Variants in RANBP17 observed in about 807,000 individuals in gnomAD.
RANBP17 encodes the protein ran-binding protein 17.
In RANBP17, 158 loss-of-function variants were observed where a neutral mutation model predicts 141.2. That is an observed-to-expected ratio of 1.12 (90% confidence interval 0.98 to 1.28). RANBP17 has a LOEUF of 1.28. RANBP17 is among the 50% of genes most tolerant of loss of function. The pLI, the probability that RANBP17 is intolerant of heterozygous loss-of-function variation, is 0.00. For synonymous variants in RANBP17, 430 were observed against 450.0 expected, an observed-to-expected ratio of 0.96 and a Z score of 0.56; for missense variants, 1,438 against 1,290.7, an observed-to-expected ratio of 1.11 and a Z score of -1.75.
intron 25 of RANBP17, among the ~76,000 whole-genome samples, chr5:171,270,925 G>A (rs1384171512): frequency 1.3e-5 from 2 of 151,842 alleles, no homozygotes; most frequent in African/African-American, 2.4e-5. Flanking sequence ...ATTGCATAGA[G>A]GAATTAGAGC....
At chr5:171,104,671 C>T (rs1754653772) in intron 14 of RANBP17, among the ~76,000 whole-genome samples, 1 of 152,114 alleles carries the variant, frequency 6.6e-6, no homozygotes, top group Admixed American at 6.5e-5. Flanking sequence ...CTAACTGGCT[C>T]TTTTTCTTTA....
chr5:170,902,983 G>A (rs554218549), intron 5 of RANBP17, among the ~76,000 whole-genome samples: 2 of 152,276 alleles, frequency 1.3e-5, no homozygotes, highest in East Asian at 3.9e-4. Context: ...ATGTCTCCCG[G>A]TCAGGAGGCA....
intron 14 of RANBP17, among the ~76,000 whole-genome samples, chr5:171,134,935 A>C (rs1757167365): frequency 6.6e-6 from 1 of 151,732 alleles, no homozygotes; most frequent in South Asian, 2.1e-4. Context: ...TAAAATAAAA[A>C]TAAATTAAAT....
At chr5:171,255,395 T>G (rs139889775) in intron 24 of RANBP17, among the ~76,000 whole-genome samples, 1 of 152,248 alleles carries the variant, frequency 6.6e-6, no homozygotes, top group Admixed American at 6.5e-5. Flanking sequence ...AGTACAGCAT[T>G]GAAATACTAC....
At chr5:171,065,610 C>T (rs1784266496) in intron 14 of RANBP17, among the ~76,000 whole-genome samples, 1 of 152,044 alleles carries the variant, frequency 6.6e-6, no homozygotes, top group Admixed American at 6.5e-5. Flanking sequence ...TGTGTATTAA[C>T]CAGAGCATCT....
chr5:171,211,325 A>G (rs1009603875), intron 20 of RANBP17, among the ~76,000 whole-genome samples: 3 of 151,552 alleles, frequency 2.0e-5, no homozygotes, highest in African/African-American at 7.3e-5. Context: ...GCAGTGGTGC[A>G]GTCTTGGCTC....
chr5:170,996,059 T>TC (rs886456029), intron 14 of RANBP17, among the ~76,000 whole-genome samples: 3 of 152,032 alleles, frequency 2.0e-5, no homozygotes, highest in Admixed American at 6.6e-5. Flanking sequence ...TTATTGCTCA[T>TC]CTCAGGGCCT....
chr5:171,281,095 C>T (rs1767833573), intron 25 of RANBP17, among the ~76,000 whole-genome samples: 1 of 152,194 alleles, frequency 6.6e-6, no homozygotes, highest in South Asian at 2.1e-4. Context: ...TGGTGTCATT[C>T]CCAGACTTTA....
chr5:171,116,722 T>C (rs1257527280), intron 14 of RANBP17, among the ~76,000 whole-genome samples: 1 of 152,244 alleles, frequency 6.6e-6, no homozygotes, highest in African/African-American at 2.4e-5. Flanking sequence ...TTGTTAACTA[T>C]AGCCATTCTA....
intron 14 of RANBP17, among the ~76,000 whole-genome samples, chr5:171,058,705 T>G (rs559522212): frequency 1.7e-4 from 26 of 150,964 alleles, no homozygotes; most frequent in African/African-American, 6.3e-4. Flanking sequence ...TCAAATGATA[T>G]TTCTAGTTCT....
chr5:170,935,805 A>G (rs1395453669), intron 12 of RANBP17, among the ~76,000 whole-genome samples: 2 of 152,164 alleles, frequency 1.3e-5, no homozygotes, highest in Non-Finnish European at 2.9e-5. Flanking sequence ...TGGGAGAACT[A>G]CTGCTCTCTT....
intron 14 of RANBP17, among the ~76,000 whole-genome samples, chr5:171,147,289 A>C (rs1758092610): frequency 2.6e-5 from 4 of 151,376 alleles, no homozygotes; most frequent in African/African-American, 7.3e-5. Flanking sequence ...CTAAAAAAAA[A>C]CATGGAAGAA....
chr5:170,895,563 G>T (rs1459830629), intron 4 of RANBP17, among the ~76,000 whole-genome samples: 1 of 152,118 alleles, frequency 6.6e-6, no homozygotes, highest in African/African-American at 2.4e-5. Flanking sequence ...GAGCCTAAGT[G>T]ATCCTATCTG....
intron 14 of RANBP17, among the ~76,000 whole-genome samples, chr5:171,165,336 G>A (rs545977015): frequency 2.6e-5 from 4 of 151,948 alleles, no homozygotes; most frequent in South Asian, 2.1e-4. Flanking sequence ...TACACGCCAC[G>A]ACGCTCGGCT....
chr5:170,915,166 A>G (rs866060877), intron 8 of RANBP17, among the ~76,000 whole-genome samples: 11 of 152,266 alleles, frequency 7.2e-5, no homozygotes, highest in Middle Eastern at 3.4e-3. Flanking sequence ...GTTTCATGTA[A>G]TTATGTTTTG....
At chr5:171,125,022 C>T (rs925431055) in intron 14 of RANBP17, among the ~76,000 whole-genome samples, 4 of 152,106 alleles carry the variant, frequency 2.6e-5, no homozygotes, top group South Asian at 2.1e-4. Context: ...GGGCTGGGGG[C>T]GGTGGCTCAC....
At chr5:170,906,682 G>A (rs763112688) in intron 5 of RANBP17, among the ~76,000 whole-genome samples, 4 of 151,664 alleles carry the variant, frequency 2.6e-5, no homozygotes, top group Non-Finnish European at 4.4e-5. Flanking sequence ...TGGATTCCTC[G>A]TTTCATTCTA....
At chr5:171,065,037 G>A (rs1784216443) in intron 14 of RANBP17, among the ~76,000 whole-genome samples, 1 of 151,996 alleles carries the variant, frequency 6.6e-6, no homozygotes, top group African/African-American at 2.4e-5. Flanking sequence ...ATTGCATCTA[G>A]GATTTTAGTC....
At chr5:171,185,463 T>A (rs1212971295) in intron 18 of RANBP17, among the ~76,000 whole-genome samples, 1 of 152,242 alleles carries the variant, frequency 6.6e-6, no homozygotes, top group Non-Finnish European at 1.5e-5. Context: ...GAGTCAATCC[T>A]CTCAAACTCT....
Sources: allele counts gnomAD v4.1 joint callset (sites outside exome capture counted in the v4.1 genomes callset), GRCh38; gene constraint gnomAD v4.1.1; transcripts MANE v1.5; gene names NCBI Gene and HGNC (gene_info 2026-07-23, HGNC 2026-07-21).